The following FOXP2 variants were observed in gnomAD, a reference collection of about 807,000 sequenced individuals.
The protein encoded by FOXP2 is forkhead box P2.
Under a neutral mutation model 115.8 loss-of-function variants are expected in FOXP2, and 12 were observed. The observed-to-expected ratio is 0.10, with a 90% CI of 0.07 to 0.17. FOXP2 has a LOEUF of 0.17. Among genes scored for constraint, FOXP2 ranks in the 10% least tolerant of loss-of-function variants. The probability of loss-of-function intolerance (pLI) is 1.00; values close to 1 mark genes in which losing one functional copy is unlikely to be tolerated. For missense variants in FOXP2, 629 were observed against 843.5 expected (o/e 0.75, Z 3.15); for synonymous variants, 328 against 297.7 (o/e 1.10, Z -1.05).
At chr7:114,183,063 T>C (rs1216536180) in intron 1 of FOXP2, among the ~76,000 whole-genome samples, 4 of 152,054 alleles carry the variant, frequency 2.6e-5, no homozygotes, top group African/African-American at 9.7e-5. Flanking sequence ...ATCATCAGAA[T>C]TGAGGGGGTG....
chr7:114,202,115 T>C (rs1584542102), intron 1 of FOXP2, among the ~76,000 whole-genome samples: 1 of 152,248 alleles, frequency 6.6e-6, no homozygotes, highest in Non-Finnish European at 1.5e-5. Flanking sequence ...TGAGTACTGA[T>C]GCAGACAATT....
At chr7:114,139,127 C>A (rs891074858) in intron 1 of FOXP2, among the ~76,000 whole-genome samples, 1 of 152,218 alleles carries the variant, frequency 6.6e-6, no homozygotes, top group African/African-American at 2.4e-5. Context: ...GCAGAGCATA[C>A]TATAGACCAG....
intron 1 of FOXP2, among the ~76,000 whole-genome samples, chr7:114,244,539 G>A (rs2129168180): frequency 6.6e-6 from 1 of 152,196 alleles, no homozygotes; most frequent in East Asian, 1.9e-4. Context: ...GGTCAATATT[G>A]TAAACTATTT....
chr7:114,158,162 A>C (rs899131125), upstream of FOXP2, among the ~76,000 whole-genome samples: 1 of 152,090 alleles, frequency 6.6e-6, no homozygotes, highest in Non-Finnish European at 1.5e-5. Context: ...AATAGCAAAT[A>C]TTTTGTCAAA....
At chr7:114,509,337 C>A (rs1310218736) in intron 2 of FOXP2, among the ~76,000 whole-genome samples, 1 of 151,426 alleles carries the variant, frequency 6.6e-6, no homozygotes, top group African/African-American at 2.4e-5. Context: ...GGCTGGAGTG[C>A]AATAAGTTTT....
rs186995256 is a variant in FOXP2, at chr7:114,268,753, C to T, written c.-101-19266C>T. ...GTGTATGTGTGTATTTTCCGTTAAT[C>T]GTTTCTGGGTTTCCTCTGCCATAGA... On this transcript the variant is annotated intron_variant, in intron 1 of 17. Transcript: ENST00000634411. Among the ~76,000 whole-genome samples the T allele has an allele frequency of 1.9e-4, 28 of 151,272 alleles. No individual in the cohort carries two copies. The East Asian group carries it at 4.3e-3, about 23-fold the overall frequency.
chr7:114,539,220 G>A (rs761571565), intron 3 of FOXP2, among the ~76,000 whole-genome samples: 1 of 151,794 alleles, frequency 6.6e-6, no homozygotes, highest in Non-Finnish European at 1.5e-5. Context: ...AAATATTCTG[G>A]AGGAAAATAC....
intron 1 of FOXP2, among the ~76,000 whole-genome samples, chr7:114,094,746 C>T (rs372085450): frequency 2.6e-5 from 4 of 152,142 alleles, no homozygotes; most frequent in African/African-American, 4.8e-5. Context: ...ATGGTAACCT[C>T]GCCCTCCTGG....
At chr7:114,669,961 G>T (rs1807404875) in intron 16 of FOXP2, 1 of 151,986 alleles carries the variant, frequency 6.6e-6, no homozygotes, top group South Asian at 2.1e-4. Flanking sequence ...TGTGTCTAGA[G>T]ATCAAAATAA....
At chr7:114,112,955 CAG>C (rs1181429864) in intron 1 of FOXP2, among the ~76,000 whole-genome samples, 1 of 152,048 alleles carries the variant, frequency 6.6e-6, no homozygotes, top group Non-Finnish European at 1.5e-5. Flanking sequence ...CAGAAGGAAA[CAG>C]TACAAAAAAT....
chr7:114,399,849 C>CTTT lies in FOXP2; in HGVS notation c.-10-26638_-10-26636dup, dbSNP rs1431053557. 3.5e-3 allele frequency among the ~76,000 whole-genome samples: 465 copies of CTTT among 131,446 alleles called. 3 individuals are homozygous for CTTT. Among genetic ancestry groups the CTTT allele is most frequent in the African/African-American group, 0.012 (436 of 36,120 alleles). 86.2% of individuals were successfully genotyped at this position (131,446 alleles called of 152,430 possible). A position where few individuals can be genotyped will look rare whatever the true frequency, so the allele number is the denominator to read the frequency against. ...TTCGAAGTGTCAAAATCATCATTTT[C>CTTT]TTTTTTTTTTTTTTTTTCCTTTTTT... On this transcript the variant is annotated intron_variant, in intron 2 of 17. Transcript: ENST00000634411.
intron 1 of FOXP2, among the ~76,000 whole-genome samples, chr7:114,173,307 T>C (rs1313671606): frequency 6.6e-6 from 1 of 151,902 alleles, no homozygotes; most frequent in Non-Finnish European, 1.5e-5. Context: ...CTTTCAGTTT[T>C]AAAAAGTACC....
At chr7:114,344,654 ATAGAG>A (rs769132585) in intron 2 of FOXP2, among the ~76,000 whole-genome samples, 6 of 151,858 alleles carry the variant, frequency 4.0e-5, no homozygotes, top group Non-Finnish European at 7.4e-5. Flanking sequence ...AGATACATAC[ATAGAG>A]TAGTTATTCT....
chr7:114,591,385 A>C (rs1356059157), intron 3 of FOXP2, among the ~76,000 whole-genome samples: 1 of 152,126 alleles, frequency 6.6e-6, no homozygotes, highest in Admixed American at 6.6e-5. Flanking sequence ...TATCCAGTTT[A>C]AATAAGATTA....
intron 1 of FOXP2, among the ~76,000 whole-genome samples, chr7:114,151,874 T>A (rs1792537356): frequency 6.6e-6 from 1 of 152,108 alleles, no homozygotes; most frequent in Non-Finnish European, 1.5e-5. Flanking sequence ...TGAGAGGTTA[T>A]GTTCAGACTT....
chr7:114,257,896 CAAG>C (rs1162880904), intron 1 of FOXP2, among the ~76,000 whole-genome samples: 1 of 152,068 alleles, frequency 6.6e-6, no homozygotes, highest in African/African-American at 2.4e-5. Flanking sequence ...TAAAGAACAA[CAAG>C]GAGGCCAGGG....
chr7:114,284,862 G>A (rs1014228753), intron 1 of FOXP2, among the ~76,000 whole-genome samples: 1 of 152,120 alleles, frequency 6.6e-6, no homozygotes, highest in Non-Finnish European at 1.5e-5. Flanking sequence ...AAGAAATGAG[G>A]TGATATACTT....
At chr7:114,670,077 C>G (rs1027390349) in intron 16 of FOXP2, 5 of 151,968 alleles carry the variant, frequency 3.3e-5, no homozygotes, top group Non-Finnish European at 7.4e-5. Context: ...GTTGAGTTTT[C>G]AGATCCTTTC....
chr7:114,205,488 ATAT>A (rs1794178352), intron 1 of FOXP2, among the ~76,000 whole-genome samples: 1 of 152,154 alleles, frequency 6.6e-6, no homozygotes, highest in Non-Finnish European at 1.5e-5. Context: ...TGAAATAGGC[ATAT>A]TATTATTTCA....
Sources: allele counts gnomAD v4.1 joint callset (sites outside exome capture counted in the v4.1 genomes callset), GRCh38; gene constraint gnomAD v4.1.1; transcripts MANE v1.5; gene names NCBI Gene and HGNC (gene_info 2026-07-23, HGNC 2026-07-21).